The following SLC16A10 variants were observed in gnomAD, a reference collection of about 807,000 sequenced individuals.
SLC16A10 encodes the protein solute carrier family 16 member 10.
Under a neutral mutation model 40.0 loss-of-function variants are expected in SLC16A10, and 27 were observed. That is an observed-to-expected ratio of 0.67 (90% CI 0.50 to 0.93). The LOEUF is 0.93. SLC16A10 is among the 40% of genes least tolerant of loss of function. The pLI is 0.00. For missense variants in SLC16A10, 529 were observed against 658.2 expected, an observed-to-expected ratio of 0.80 and a Z score of 2.15; for synonymous variants, 213 against 249.8, an observed-to-expected ratio of 0.85 and a Z score of 1.39.
chr6:111,218,557 C>T (rs1026544115), intron 4 of SLC16A10, among the ~76,000 whole-genome samples: 2 of 152,058 alleles, frequency 1.3e-5, no homozygotes, highest in African/African-American at 4.8e-5. Flanking sequence ...CCAGCCTGGG[C>T]AACAGAGACA....
intron 1 of SLC16A10, among the ~76,000 whole-genome samples, chr6:111,088,770 AT>A (rs923187823): frequency 1.4e-4 from 21 of 151,236 alleles, no homozygotes; most frequent in African/African-American, 2.7e-4. Context: ...GTTTTTTGAC[AT>A]TTTTTTTTAA....
At chr6:111,103,436 T>G (rs1771226174) in intron 1 of SLC16A10, among the ~76,000 whole-genome samples, 1 of 152,144 alleles carries the variant, frequency 6.6e-6, no homozygotes, top group African/African-American at 2.4e-5. Flanking sequence ...CAGGTGGGTC[T>G]CAAACTATTG....
chr6:111,171,815 C>CAAA (rs11396709), intron 1 of SLC16A10, among the ~76,000 whole-genome samples: 1,044 of 85,998 alleles, frequency 0.012, 8 homozygotes, highest in Middle Eastern at 0.019. Flanking sequence ...GACCTTTTCT[C>CAAA]AAAAAAAAAA....
intron 1 of SLC16A10, among the ~76,000 whole-genome samples, chr6:111,168,136 C>T (rs1416669440): frequency 6.6e-6 from 1 of 152,130 alleles, no homozygotes; most frequent in Non-Finnish European, 1.5e-5. Context: ...CCCGCCACCA[C>T]ACCCAGCTAA....
intron 3 of SLC16A10, among the ~76,000 whole-genome samples, chr6:111,203,030 C>T (rs943679841): frequency 6.6e-6 from 1 of 151,912 alleles, no homozygotes; most frequent in Non-Finnish European, 1.5e-5. Context: ...AGACAGTGAC[C>T]TCTAGTATAA....
At chr6:111,122,302 G>T (rs1373087282) in intron 1 of SLC16A10, among the ~76,000 whole-genome samples, 2 of 152,158 alleles carry the variant, frequency 1.3e-5, no homozygotes, top group Non-Finnish European at 2.9e-5. Flanking sequence ...GCATTCCTTG[G>T]AAGCCCACCT....
At chr6:111,111,080 T>C (rs1771376705) in intron 1 of SLC16A10, among the ~76,000 whole-genome samples, 1 of 152,202 alleles carries the variant, frequency 6.6e-6, no homozygotes, top group South Asian at 2.1e-4. Flanking sequence ...ATTTGTTTAA[T>C]GCAGTCTGCT....
At chr6:111,096,164 T>C (rs1006090712) in intron 1 of SLC16A10, among the ~76,000 whole-genome samples, 2 of 152,226 alleles carry the variant, frequency 1.3e-5, no homozygotes, top group African/African-American at 4.8e-5. Context: ...AGCCTGAAAC[T>C]ATTTACTACA....
intron 1 of SLC16A10, among the ~76,000 whole-genome samples, chr6:111,109,244 C>T (rs1252713279): frequency 6.6e-6 from 1 of 152,114 alleles, no homozygotes; most frequent in African/African-American, 2.4e-5. Flanking sequence ...TTTTCCCTTA[C>T]ATTCTGGCTC....
At chr6:111,096,538 G>A (rs560394800) in intron 1 of SLC16A10, among the ~76,000 whole-genome samples, 1 of 152,302 alleles carries the variant, frequency 6.6e-6, no homozygotes. Flanking sequence ...ATGGAGGAAA[G>A]CAGTGCTTTC....
chr6:111,138,192 A>C (rs79461257), intron 1 of SLC16A10, among the ~76,000 whole-genome samples: 5,522 of 152,344 alleles, frequency 0.036, 228 homozygotes, highest in East Asian at 0.22. Flanking sequence ...TCCTACACTA[A>C]CATTGCAGAA....
chr6:111,120,309 T>C (rs1354172360), intron 1 of SLC16A10, among the ~76,000 whole-genome samples: 1 of 152,240 alleles, frequency 6.6e-6, no homozygotes, highest in Non-Finnish European at 1.5e-5. Context: ...TTTAGAAATT[T>C]AACTTAGCTT....
intron 1 of SLC16A10, among the ~76,000 whole-genome samples, chr6:111,149,880 G>C (rs1772142540): frequency 6.6e-6 from 1 of 152,184 alleles, no homozygotes; most frequent in Non-Finnish European, 1.5e-5. Context: ...AGCCAGTATA[G>C]TATAGTGGCT....
At chr6:111,181,247 G>C (rs1236451107) in intron 3 of SLC16A10, among the ~76,000 whole-genome samples, 1 of 150,532 alleles carries the variant, frequency 6.6e-6, no homozygotes, top group African/African-American at 2.4e-5. Context: ...TCTGAAGTAA[G>C]ACAGATCTGG....
At chr6:111,156,328 C>T (rs924157164) in intron 1 of SLC16A10, among the ~76,000 whole-genome samples, 1 of 152,114 alleles carries the variant, frequency 6.6e-6, no homozygotes, top group African/African-American at 2.4e-5. Context: ...TCCAGGAGTG[C>T]AGTATAAATA....
intron 1 of SLC16A10, among the ~76,000 whole-genome samples, chr6:111,112,799 A>G (rs1052424382): frequency 6.6e-6 from 1 of 152,254 alleles, no homozygotes; most frequent in African/African-American, 2.4e-5. Flanking sequence ...ATTGGCAGCA[A>G]TAATCCCAAA....
chr6:111,139,372 G>T (rs1349632096), intron 1 of SLC16A10, among the ~76,000 whole-genome samples: 1 of 151,906 alleles, frequency 6.6e-6, no homozygotes, highest in Non-Finnish European at 1.5e-5. Context: ...CGTGATCTCG[G>T]CTCACTGCAC....
At chr6:111,153,305 C>T (rs1468637479) in intron 1 of SLC16A10, among the ~76,000 whole-genome samples, 2 of 152,062 alleles carry the variant, frequency 1.3e-5, no homozygotes, top group South Asian at 2.1e-4. Context: ...GAGGCCAAGG[C>T]GGGAGGATTT....
At chr6:111,154,907 C>G (rs73530944) in intron 1 of SLC16A10, among the ~76,000 whole-genome samples, 1,802 of 151,052 alleles carry the variant, frequency 0.012, 25 homozygotes, top group African/African-American at 0.042. Flanking sequence ...CCTGCAATCT[C>G]AGCTACTTGG....
Sources: allele counts gnomAD v4.1 joint callset (sites outside exome capture counted in the v4.1 genomes callset), GRCh38; gene constraint gnomAD v4.1.1; transcripts MANE v1.5; gene names NCBI Gene and HGNC (gene_info 2026-07-23, HGNC 2026-07-21).